Variants in COQ7 observed in about 807,000 individuals in gnomAD.
COQ7 encodes the protein coenzyme Q7, hydroxylase.
COQ7 carries 21 observed loss-of-function variants against 25.0 expected under a neutral mutation model. The ratio of observed to expected loss-of-function variants is 0.84; its 90% confidence interval spans 0.60 to 1.21. The LOEUF is 1.21. COQ7 is among the 50% of genes most tolerant of loss of function. COQ7 has a pLI of 0.00. For missense variants in COQ7, 311 were observed against 296.2 expected, an observed-to-expected ratio of 1.05 and a Z score of -0.37; for synonymous variants, 125 against 112.4, an observed-to-expected ratio of 1.11 and a Z score of -0.71.
chr16:19,076,585 C>CT (rs67725348), intron 4 of COQ7, among the ~76,000 whole-genome samples: 1,551 of 80,504 alleles, frequency 0.019, 215 homozygotes, highest in South Asian at 0.029. Flanking sequence ...GTGCTGTTCA[C>CT]TTTTTTTTTT....
At position 19,074,044 on chromosome 16, in the gene COQ7, C is replaced by T. The variant is rs956685785; in HGVS notation, c.367+9C>T. ...GCTGGGGTTTGCACTGGGTACGTGT[C>T]TCTCTAGAAGAGCTTATGCAAGCTT... On this transcript the variant is annotated intron_variant, in intron 3 of 5. Transcript: ENST00000321998. The T allele has an allele frequency of 1.2e-6, 2 of 1,600,886 alleles. No individual in the cohort carries two copies. The highest frequency in any genetic ancestry group is 2.7e-5 in the African/African-American group (2 of 74,530).
chr16:19,075,960 G>C, intron 4 of COQ7, 100 bp downstream of exon 4: 2 of 1,482,106 alleles, frequency 1.3e-6, no homozygotes, highest in Non-Finnish European at 9.2e-7. Flanking sequence ...GGGGATGATG[G>C]GGGTTTAGAG....
chr16:19,076,478 A>G (rs186990545), intron 4 of COQ7, among the ~76,000 whole-genome samples: 3 of 148,372 alleles, frequency 2.0e-5, no homozygotes, highest in Admixed American at 1.4e-4. Flanking sequence ...GTCTCTCTCT[A>G]TGTTGTCCAG....
At chr16:19,071,739 A>G in intron 1 of COQ7, 189 bp from the exon 2 acceptor site, 1 of 617,238 alleles carries the variant, frequency 1.6e-6, no homozygotes, top group Non-Finnish European at 2.8e-6. Context: ...AAGTGAAACC[A>G]GAAATCCAGA....
At chr16:19,082,494 A>G (rs1963114672), downstream of COQ7, among the ~76,000 whole-genome samples, 1 of 151,892 alleles carries the variant, frequency 6.6e-6, no homozygotes, top group Admixed American at 6.6e-5. Context: ...AAGAAAAAAA[A>G]AAAAGTTTAG....
At chr16:19,071,811 C>A in intron 1 of COQ7, 117 bp from the exon 2 acceptor site, 1 of 1,105,672 alleles carries the variant, frequency 9.0e-7, no homozygotes, top group Non-Finnish European at 1.3e-6. Flanking sequence ...TATGGGCACG[C>A]CTGGCCCATG....
intron 1 of COQ7, among the ~76,000 whole-genome samples, chr16:19,070,333 G>A (rs750151590): frequency 7.9e-5 from 12 of 152,182 alleles, no homozygotes; most frequent in Non-Finnish European, 1.5e-4. Context: ...TATCTAAAAT[G>A]AATTTTTTCC....
chr16:19,074,057 C>T, intron 3 of COQ7, 22 bp downstream of exon 3: 1 of 1,550,130 alleles, frequency 6.5e-7, no homozygotes, highest in Non-Finnish European at 8.9e-7. Context: ...TCTAGAAGAG[C>T]TTATGCAAGC....
chr16:19,072,054 A>T lies in COQ7; in HGVS notation c.200A>T (p.Tyr67Phe). The T allele has an allele frequency of 1.9e-6, 3 of 1,614,214 alleles. No individual in the cohort carries two copies. Among genetic ancestry groups the T allele is most frequent in the Non-Finnish European group, 2.5e-6 (3 of 1,180,044 alleles). The change falls in exon 2 of 6, where the codon TAT becomes TTT. Residue 67 changes from tyrosine (Y) to phenylalanine (F), a missense_variant. Tyr to Phe is a conservative substitution (Grantham distance 22, BLOSUM62 3). Coordinates refer to ENST00000321998, the MANE Select transcript of COQ7 (RefSeq NM_016138.5). ...GGCGAATATGGAGCAAACCGCATCT[A>T]TGCCGGGCAGATGGCTGTCCTGGGT... ...HAGEYGANRI[Y>F]AGQMAVLGRT... is the part of the protein sequence containing the mutation.
chr16:19,068,056 C>T (rs1267757427), intron 1 of COQ7: 3 of 1,215,272 alleles, frequency 2.5e-6, no homozygotes, highest in African/African-American at 1.6e-5. Flanking sequence ...ACTGAAAATT[C>T]AGCGTCTCCG....
chr16:19,077,963 T>G (rs1962946097), intron 5 of COQ7, 118 bp from the exon 6 acceptor site: 1 of 630,316 alleles, frequency 1.6e-6, no homozygotes, highest in Admixed American at 3.8e-5. Flanking sequence ...TAAAATAAAT[T>G]GTTCCTTAGA....
Position 19,074,025 on chromosome 16 carries a change from G to A in COQ7, c.357G>A (p.Gly119=). The A allele has an allele frequency of 6.2e-7, 1 of 1,612,624 alleles. No individual in the cohort carries two copies. Among genetic ancestry groups the A allele is most frequent in the East Asian group, 2.2e-5 (1 of 44,858 alleles). ...TGATGCCCTTGTGGAACGTGCTGGG[G>A]TTTGCACTGGGTACGTGTCTCTCTA... ...TVLMPLWNVL[G]FALGAGTALL... Residue 119 remains glycine, a synonymous_variant, in exon 3 of 6, where the codon GGG becomes GGA. Coordinates refer to ENST00000321998, the MANE Select transcript of COQ7 (RefSeq NM_016138.5).
At chr16:19,081,370 A>C (rs1197122276), downstream of COQ7, among the ~76,000 whole-genome samples, 1 of 152,232 alleles carries the variant, frequency 6.6e-6, no homozygotes, top group African/African-American at 2.4e-5. Context: ...CCCTTTAAGG[A>C]ATCAAGCTTG....
intron 1 of COQ7, 99 bp downstream of exon 1, chr16:19,067,836 T>G (rs201665338): frequency 9.8e-6 from 15 of 1,530,856 alleles, no homozygotes; most frequent in Non-Finnish European, 1.3e-5. Context: ...GAGAGGTTCG[T>G]AACGTCACAG....
intron 1 of COQ7, among the ~76,000 whole-genome samples, chr16:19,071,549 A>C (rs1962557818): frequency 2.0e-5 from 3 of 152,244 alleles, no homozygotes; most frequent in Admixed American, 1.3e-4. Context: ...CCAGAGATTG[A>C]CTGGGGAAGA....
Position 19,079,576 on chromosome 16 carries a change from G to A in COQ7, c.*1418G>A, listed in dbSNP as rs1449262906. On this transcript the variant is annotated 3_prime_UTR_variant, in exon 6 of 6. Coordinates refer to ENST00000321998, the MANE Select transcript of COQ7 (RefSeq NM_016138.5). Reference sequence around the variant, plus strand: ...TTTTTTTTCAGTTTATGGACCAAGAGTTTTGATTTATTTAGGGTGGAGTTC... The same window carrying A: ...TTTTTTTTCAGTTTATGGACCAAGAATTTTGATTTATTTAGGGTGGAGTTC... 6.6e-6 allele frequency: 1 copy of A among 152,070 alleles called. No individual in the cohort carries two copies. 9.4% of individuals were successfully genotyped at this position (152,070 alleles called of 1,614,324 possible).
At chr16:19,077,173 C>T (rs1434865714) in intron 4 of COQ7, 133 bp from the exon 5 acceptor site, 4 of 706,338 alleles carry the variant, frequency 5.7e-6, no homozygotes, top group Non-Finnish European at 9.9e-6. Flanking sequence ...AAAGTATTTA[C>T]TCTCTGGCCC....
intron 1 of COQ7, among the ~76,000 whole-genome samples, chr16:19,070,671 A>C (rs1962507099): frequency 6.6e-6 from 1 of 151,988 alleles, no homozygotes; most frequent in Non-Finnish European, 1.5e-5. Context: ...GAATTGCCTG[A>C]GTCTGAAAGG....
At chr16:19,072,893 G>A (rs918621521) in intron 2 of COQ7, among the ~76,000 whole-genome samples, 3 of 152,212 alleles carry the variant, frequency 2.0e-5, no homozygotes, top group African/African-American at 7.2e-5. Context: ...ATTCAGGGCC[G>A]GGTGTGGTGG....
Sources: allele counts gnomAD v4.1 joint callset (sites outside exome capture counted in the v4.1 genomes callset), GRCh38; gene constraint gnomAD v4.1.1; transcripts MANE v1.5; gene names NCBI Gene and HGNC (gene_info 2026-07-23, HGNC 2026-07-21).